DACH1: variants seen among roughly 807,000 people sequenced by gnomAD.
DACH1 encodes dachshund family transcription factor 1, also known as dachshund homolog 1.
Under a neutral mutation model 54.2 loss-of-function variants are expected in DACH1, and 12 were observed. The ratio of observed to expected loss-of-function variants is 0.22; its 90% CI spans 0.14 to 0.36. The LOEUF (loss-of-function observed/expected upper bound fraction) is 0.36, where lower values mean the gene tolerates loss of function less well. Among genes scored for constraint, DACH1 ranks in the 10% least tolerant of loss-of-function variants. DACH1 has a pLI of 1.00. For missense variants in DACH1, 805 were observed against 929.8 expected (o/e 0.87, Z 1.75); for synonymous variants, 386 against 366.2 (o/e 1.05, Z -0.62).
chr13:71,595,923 A>G (rs1033636143), intron 3 of DACH1, among the ~76,000 whole-genome samples: 5 of 152,140 alleles, frequency 3.3e-5, no homozygotes, highest in African/African-American at 1.2e-4. Context: ...TTCTAAGTAG[A>G]AAAATGAAGT....
chr13:71,643,196 G>A (rs961510038), intron 2 of DACH1, among the ~76,000 whole-genome samples: 11 of 152,038 alleles, frequency 7.2e-5, no homozygotes, highest in Admixed American at 3.9e-4. Flanking sequence ...AACTCCATTT[G>A]TAAAATCAAT....
intron 10 of DACH1, among the ~76,000 whole-genome samples, chr13:71,444,879 T>C (rs1418627462): frequency 6.6e-6 from 1 of 152,134 alleles, no homozygotes; most frequent in African/African-American, 2.4e-5. Context: ...CTATATTGTG[T>C]TGGAATATTC....
At chr13:71,614,072 T>G (rs1267137708) in intron 3 of DACH1, among the ~76,000 whole-genome samples, 1 of 152,326 alleles carries the variant, frequency 6.6e-6, no homozygotes, top group Non-Finnish European at 1.5e-5. Flanking sequence ...TCAGAGTCCA[T>G]GCAGAGGCAT....
At chr13:71,806,386 C>T (rs1887503698) in intron 1 of DACH1, among the ~76,000 whole-genome samples, 1 of 151,998 alleles carries the variant, frequency 6.6e-6, no homozygotes, top group Non-Finnish European at 1.5e-5. Context: ...AATGTTATAC[C>T]CTGGGAAAAT....
intron 1 of DACH1, among the ~76,000 whole-genome samples, chr13:71,815,015 T>A (rs1224048901): frequency 6.6e-6 from 1 of 152,168 alleles, no homozygotes; most frequent in East Asian, 1.9e-4. Context: ...TGGGGAGGTC[T>A]GTAGGTGTCA....
intron 6 of DACH1, among the ~76,000 whole-genome samples, chr13:71,497,986 C>A (rs1206635923): frequency 6.6e-6 from 1 of 151,560 alleles, no homozygotes; most frequent in Non-Finnish European, 1.5e-5. Flanking sequence ...ACTTAAGAGG[C>A]TTCTTGGATA....
At chr13:71,668,314 A>G (rs960669307) in intron 2 of DACH1, among the ~76,000 whole-genome samples, 1 of 152,128 alleles carries the variant, frequency 6.6e-6, no homozygotes, top group Admixed American at 6.5e-5. Flanking sequence ...TAAAAACTCA[A>G]CACTCTTTCC....
At chr13:71,632,589 A>T (rs778045939) in intron 2 of DACH1, among the ~76,000 whole-genome samples, 1 of 152,112 alleles carries the variant, frequency 6.6e-6, no homozygotes, top group Non-Finnish European at 1.5e-5. Context: ...TATTCTAGCA[A>T]ATAAGTTACT....
intron 1 of DACH1, among the ~76,000 whole-genome samples, chr13:71,780,237 G>T (rs539483362): frequency 1.2e-4 from 18 of 152,200 alleles, no homozygotes; most frequent in Non-Finnish European, 2.4e-4. Context: ...AAAGAGCTTG[G>T]CAAGTTGAGG....
At chr13:71,502,593 C>T (rs987111329) in intron 6 of DACH1, among the ~76,000 whole-genome samples, 2 of 152,120 alleles carry the variant, frequency 1.3e-5, no homozygotes, top group Non-Finnish European at 2.9e-5. Flanking sequence ...AATTATTGTC[C>T]AAGAGGTTCA....
At chr13:71,568,356 T>G (rs1166314759) in intron 4 of DACH1, among the ~76,000 whole-genome samples, 2 of 152,026 alleles carry the variant, frequency 1.3e-5, no homozygotes, top group African/African-American at 4.8e-5. Flanking sequence ...AAATTGAGGT[T>G]GATGTCTAGT....
chr13:71,681,909 A>G lies in DACH1; in HGVS notation c.850T>C (p.Ser284Pro). The G allele has an allele frequency of 6.3e-7, 1 of 1,596,068 alleles. No individual in the cohort carries two copies. Among genetic ancestry groups the G allele is most frequent in the Non-Finnish European group, 8.5e-7 (1 of 1,170,100 alleles). Reference sequence around the variant, plus strand: ...CTCTTAGGAGGCCTTCCAGGTCTAGAACTGAAACAAACAAACAAAAAATTT... The same window carrying G: ...CTCTTAGGAGGCCTTCCAGGTCTAGGACTGAAACAAACAAACAAAAAATTT... The part of the protein sequence containing the change: ...TLYNDCTNAS[S>P]RPGRPPKRTQ... The change falls in exon 2 of 11, where the codon TCT (serine) becomes CCT (proline). Residue 284 changes from serine to proline, a missense_variant and splice_region_variant. This residue lies in a region of DACH1 where 472 missense variants were observed against 545.3 expected (regional missense o/e 0.87). Transcript: ENST00000613252.
intron 1 of DACH1, among the ~76,000 whole-genome samples, chr13:71,758,482 TC>T: frequency 6.6e-6 from 1 of 152,304 alleles, no homozygotes; most frequent in African/African-American, 2.4e-5. Flanking sequence ...AAGTGTAAGT[TC>T]AAGTGATGAC....
intron 6 of DACH1, among the ~76,000 whole-genome samples, chr13:71,552,755 C>G (rs1883894077): frequency 7.8e-6 from 1 of 127,422 alleles, no homozygotes; most frequent in Non-Finnish European, 1.6e-5. Flanking sequence ...AGCTGAAAGA[C>G]AGTTTTCATG....
At chr13:71,729,171 G>C (rs1427025518) in intron 1 of DACH1, among the ~76,000 whole-genome samples, 2 of 152,066 alleles carry the variant, frequency 1.3e-5, no homozygotes, top group East Asian at 3.9e-4. Context: ...TGTTTGTACA[G>C]ATTAAGTGAA....
intron 4 of DACH1, among the ~76,000 whole-genome samples, chr13:71,561,211 T>G (rs1884562394): frequency 6.6e-6 from 1 of 152,134 alleles, no homozygotes; most frequent in Non-Finnish European, 1.5e-5. Context: ...TTAAATGCGC[T>G]TATGCTTGAG....
intron 2 of DACH1, among the ~76,000 whole-genome samples, chr13:71,665,821 T>C (rs1021991079): frequency 2.0e-5 from 3 of 152,098 alleles, no homozygotes; most frequent in South Asian, 2.1e-4. Context: ...GAAAACAAGA[T>C]TTATAATTAT....
intron 1 of DACH1, among the ~76,000 whole-genome samples, chr13:71,784,314 C>T (rs1886505443): frequency 6.6e-6 from 1 of 151,886 alleles, no homozygotes; most frequent in East Asian, 1.9e-4. Flanking sequence ...TAAATGAATT[C>T]ACAGAAAATG....
At chr13:71,853,493 A>T (rs1873805438) in intron 1 of DACH1, among the ~76,000 whole-genome samples, 1 of 152,180 alleles carries the variant, frequency 6.6e-6, no homozygotes, top group South Asian at 2.1e-4. Flanking sequence ...AAATGGATTT[A>T]TATTCATCTA....
Sources: allele counts gnomAD v4.1 joint callset (sites outside exome capture counted in the v4.1 genomes callset), GRCh38; gene constraint gnomAD v4.1.1; regional missense constraint gnomAD v4.1.1; transcripts MANE v1.5; gene names NCBI Gene and HGNC (gene_info 2026-07-23, HGNC 2026-07-21).